Variants in ABAT observed in about 807,000 individuals in gnomAD.
The protein encoded by ABAT is 4-aminobutyrate aminotransferase, mitochondrial.
A neutral mutation model predicts 64.6 loss-of-function variants in ABAT; 45 were observed. The observed-to-expected ratio is 0.70, with a 90% CI of 0.55 to 0.89. The LOEUF (loss-of-function observed/expected upper bound fraction) is 0.89. Ranked by LOEUF, ABAT falls within the 40% of genes least tolerant of loss-of-function variation. The pLI, the probability that ABAT is intolerant of heterozygous loss-of-function variation, is 0.00. For synonymous variants in ABAT, 297 were observed against 250.5 expected, an observed-to-expected ratio of 1.19 and a Z score of -1.75; for missense variants, 633 against 658.4, an observed-to-expected ratio of 0.96 and a Z score of 0.42.
chr16:8,728,928 A>C (rs1188138068), intron 1 of ABAT, among the ~76,000 whole-genome samples: 2 of 152,176 alleles, frequency 1.3e-5, no homozygotes, highest in Non-Finnish European at 2.9e-5. Context: ...CCAAGCCCAC[A>C]CTTTCTCAGA....
chr16:8,723,228 GTC>G (rs2058426359), intron 1 of ABAT, among the ~76,000 whole-genome samples: 1 of 152,092 alleles, frequency 6.6e-6, no homozygotes, highest in South Asian at 2.1e-4. Flanking sequence ...GTAAGATCGT[GTC>G]TCTCAAAAAA....
Position 8,736,324 on chromosome 16 carries a change from G to A in ABAT, c.70+515G>A, listed in dbSNP as rs141103700. The A allele has an allele frequency of 2.8e-3, 481 of 170,566 alleles. 3 individuals are homozygous for A. Among genetic ancestry groups the A allele is most frequent in the African/African-American group, 0.011 (463 of 41,902 alleles). 10.6% of individuals were successfully genotyped at this position (170,566 alleles called of 1,614,324 possible). On this transcript the variant is annotated intron_variant, in intron 2 of 15. Transcript: ENST00000268251. The stretch of plus-strand genomic sequence containing the variant: ...CACATCACCCACTATCCATAAAACT[G>A]TCACCATCGCCACCTCCTTTCTCTC...
chr16:8,712,202 G>A (rs2058093021), intron 1 of ABAT, among the ~76,000 whole-genome samples: 11 of 152,136 alleles, frequency 7.2e-5, no homozygotes, highest in Admixed American at 7.2e-4. Context: ...CTGCACTCCA[G>A]CCTGGATGAC....
intron 12 of ABAT, among the ~76,000 whole-genome samples, 188 bp downstream of exon 12, chr16:8,773,105 T>TACACACACACAC (rs35248639): frequency 0.059 from 6,459 of 108,642 alleles, 195 homozygotes; most frequent in East Asian, 0.088. Context: ...CCTAAAACTA[T>TACACACACACAC]ACACACACAC....
At chr16:8,709,727 G>A (rs555114568) in intron 1 of ABAT, among the ~76,000 whole-genome samples, 1 of 152,230 alleles carries the variant, frequency 6.6e-6, no homozygotes, top group South Asian at 2.1e-4. Context: ...AAGTAGGAAT[G>A]GTTAAGGAGT....
chr16:8,683,765 C>G (rs990395604), intron 1 of ABAT, among the ~76,000 whole-genome samples: 1 of 152,120 alleles, frequency 6.6e-6, no homozygotes, highest in Non-Finnish European at 1.5e-5. Context: ...TTACTAGACT[C>G]CAGGCATGGT....
chr16:8,735,724 T>G lies in ABAT; in HGVS notation c.-16T>G. ...GGTGGCAGCACGCAAAGGGTGTCCC[T>G]GTCCCTCAAGGGGTCATGGCCTCCA... is the stretch of plus-strand genomic sequence containing the variant. On this transcript the variant is annotated 5_prime_UTR_variant, in exon 2 of 16. Transcript: ENST00000268251. The G allele has an allele frequency of 6.3e-7, 1 of 1,592,854 alleles. No homozygotes were observed. The highest frequency in any genetic ancestry group is 1.3e-5 in the African/African-American group (1 of 74,870).
intron 11 of ABAT, among the ~76,000 whole-genome samples, chr16:8,770,052 T>A (rs978396676): frequency 4.6e-5 from 7 of 152,156 alleles, no homozygotes; most frequent in South Asian, 2.1e-4. Context: ...AAGCCACATA[T>A]GTAATTATAG....
intron 1 of ABAT, among the ~76,000 whole-genome samples, chr16:8,733,147 CG>C (rs1452500371): frequency 6.6e-6 from 1 of 150,862 alleles, no homozygotes; most frequent in African/African-American, 2.5e-5. Context: ...ACCTCCCTCC[CG>C]GACGGGGTGG....
At chr16:8,691,129 C>G (rs746922232) in intron 1 of ABAT, among the ~76,000 whole-genome samples, 9 of 152,044 alleles carry the variant, frequency 5.9e-5, no homozygotes, top group Non-Finnish European at 8.8e-5. Context: ...CATATTGGCA[C>G]ATAGCTTGAT....
chr16:8,767,933 T>C (rs2059992871), intron 9 of ABAT, among the ~76,000 whole-genome samples: 1 of 151,752 alleles, frequency 6.6e-6, no homozygotes, highest in Non-Finnish European at 1.5e-5. Flanking sequence ...GCCTCAGCCT[T>C]CCAAAGTGCT....
intron 1 of ABAT, among the ~76,000 whole-genome samples, chr16:8,697,188 C>T (rs2057721713): frequency 1.3e-5 from 2 of 152,164 alleles, no homozygotes; most frequent in African/African-American, 4.8e-5. Context: ...ACAGCCGTTT[C>T]GGGCCCCGGG....
At chr16:8,686,406 G>A (rs2057457188) in intron 1 of ABAT, among the ~76,000 whole-genome samples, 2 of 152,354 alleles carry the variant, frequency 1.3e-5, no homozygotes, top group South Asian at 4.1e-4. Flanking sequence ...GAGGGATTCA[G>A]AGGCAGGCTG....
chr16:8,684,491 TG>T (rs1406357902), intron 1 of ABAT, among the ~76,000 whole-genome samples: 2 of 152,124 alleles, frequency 1.3e-5, no homozygotes, highest in Admixed American at 1.3e-4. Flanking sequence ...GAAGATTACT[TG>T]AGCCCAGGAG....
intron 6 of ABAT, among the ~76,000 whole-genome samples, chr16:8,763,552 T>A (rs939012685): frequency 6.6e-6 from 1 of 152,168 alleles, no homozygotes; most frequent in Non-Finnish European, 1.5e-5. Flanking sequence ...AGACACTCTT[T>A]CTCTACTCCA....
At chr16:8,755,831 C>G (rs953642857) in intron 5 of ABAT, among the ~76,000 whole-genome samples, 2 of 152,148 alleles carry the variant, frequency 1.3e-5, no homozygotes, top group African/African-American at 4.8e-5. Flanking sequence ...GGGTGGATCA[C>G]GAGGTCAGCA....
chr16:8,768,216 C>T lies in ABAT; in HGVS notation c.627C>T (p.Ser209=). Residue 209 remains serine (S), a synonymous_variant, in exon 10 of 16, where the codon AGC becomes AGT. Transcript: ENST00000268251. ...AGGCCCCTGGCTGCCCCGACTACAG[C>T]ATCCTCTCCTTCATGGGCGCGTTCC... ...INQAPGCPDY[S]ILSFMGAFHG... 1 of 1,614,162 alleles carries T rather than the reference C, an allele frequency of 6.2e-7. No individual in the cohort carries two copies. The highest frequency in any genetic ancestry group is 1.1e-5 in the South Asian group (1 of 91,076).
At chr16:8,750,806 A>G (rs1032783109) in intron 5 of ABAT, among the ~76,000 whole-genome samples, 3 of 152,244 alleles carry the variant, frequency 2.0e-5, no homozygotes, top group African/African-American at 7.2e-5. Flanking sequence ...AACAAAGCAT[A>G]GAAAGGTTTG....
At position 8,774,870 on chromosome 16, in the gene ABAT, CCTCT is replaced by C; in HGVS notation, c.955-15_955-12del. ...CTCCCACGGGTGTTTATTTCTCCCT[CCTCT>C]CTCTTCTCCGGCCAGCATGGCTGCG... On this transcript the variant is annotated splice_polypyrimidine_tract_variant and intron_variant, in intron 12 of 15. Coordinates refer to ENST00000268251, the MANE Select transcript of ABAT (RefSeq NM_020686.6). The C allele has an allele frequency of 1.2e-6, 2 of 1,613,118 alleles. No homozygotes were observed. The highest frequency in any genetic ancestry group is 1.7e-6 in the Non-Finnish European group (2 of 1,180,004).
Sources: gnomAD v4.1 joint callset for allele counts (sites outside exome capture counted in the v4.1 genomes callset) on GRCh38, gnomAD v4.1.1 for gene constraint, MANE v1.5 for transcripts, NCBI Gene and HGNC (gene_info 2026-07-23, HGNC 2026-07-21) for gene names.